The following RYR2 variants were observed in gnomAD, a reference collection of about 807,000 sequenced individuals.
The protein encoded by RYR2 is cardiac muscle ryanodine receptor-calcium release channel.
Under a neutral mutation model 601.1 loss-of-function variants are expected in RYR2, and 227 were observed. The observed-to-expected ratio is 0.38, with a 90% CI of 0.34 to 0.42. The LOEUF (loss-of-function observed/expected upper bound fraction) is 0.42. RYR2 is among the 10% of genes least tolerant of loss of function. RYR2 has a pLI of 1.00. For missense variants in RYR2, 4,646 were observed against 6,156.5 expected (o/e 0.75, Z 8.21); for synonymous variants, 2,223 against 2,175.1 (o/e 1.02, Z -0.61).
rs746557399 is a variant in RYR2, at chr1:237,252,645, G to A, written c.49-17852G>A. Among the ~76,000 whole-genome samples the A allele has an allele frequency of 5.9e-5, 9 of 152,234 alleles. No homozygotes were observed. In the Middle Eastern group the frequency reaches 0.01, roughly 173 times the overall value. On this transcript the variant is annotated intron_variant, in intron 1 of 104. Transcript: ENST00000366574. ...AGAAATGAGGAAGTAACAAGTATTC[G>A]TAGTCTTTTATATTCTGGTAATTGT... is the stretch of plus-strand genomic sequence containing the variant.
intron 38 of RYR2, among the ~76,000 whole-genome samples, chr1:237,620,170 G>A (rs971162820): frequency 2.6e-5 from 4 of 152,202 alleles, no homozygotes; most frequent in Admixed American, 6.5e-5. Flanking sequence ...ATTATAAACA[G>A]AGGAGAATAA....
At chr1:237,188,934 C>T (rs549041437) in intron 1 of RYR2, among the ~76,000 whole-genome samples, 1 of 152,246 alleles carries the variant, frequency 6.6e-6, no homozygotes, top group African/African-American at 2.4e-5. Flanking sequence ...CATCCTCAGG[C>T]ATATAATTTA....
At chr1:237,762,199 C>T (rs1346487661) in intron 84 of RYR2, among the ~76,000 whole-genome samples, 1 of 152,136 alleles carries the variant, frequency 6.6e-6, no homozygotes, top group African/African-American at 2.4e-5. Flanking sequence ...TGACACCATT[C>T]TATAACTTCT....
chr1:237,293,367 C>T (rs372604090), intron 2 of RYR2, among the ~76,000 whole-genome samples: 7 of 152,062 alleles, frequency 4.6e-5, no homozygotes, highest in Non-Finnish European at 5.9e-5. Context: ...CCACCACACC[C>T]GGCTAATTTT....
intron 66 of RYR2, 70 bp from the exon 67 acceptor site, chr1:237,705,143 C>G (rs1688265712): frequency 1.5e-6 from 2 of 1,361,570 alleles, no homozygotes; most frequent in Non-Finnish European, 2.1e-6. Flanking sequence ...GTTAAATTTG[C>G]TAATTGTAAT....
At chr1:237,298,633 T>C (rs1398205122) in intron 2 of RYR2, among the ~76,000 whole-genome samples, 1 of 152,168 alleles carries the variant, frequency 6.6e-6, no homozygotes, top group Non-Finnish European at 1.5e-5. Flanking sequence ...TGTAGCAACA[T>C]AACAGAGTTA....
Position 237,795,329 on chromosome 1 carries a change from A to G in RYR2, c.13954A>G (p.Lys4652Glu). ...CTACTGGGACAAATTTGTTAAAAGA[A>G]AGGTAATATTACTTGGAATCCTCTA... ...NNYWDKFVKR[K>E]VMDKYGEFYG... Residue 4652 changes from lysine (K) to glutamate (E), a missense_variant and splice_region_variant, in exon 96 of 105, where the codon AAG (lysine) becomes GAG (glutamate). By Grantham distance (56) the Lys-to-Glu change is moderately conservative. Coordinates refer to ENST00000366574, the MANE Select transcript of RYR2 (RefSeq NM_001035.3). 7.1e-7 allele frequency: 1 copy of G among 1,415,124 alleles called. No individual in the cohort carries two copies. The highest frequency in any genetic ancestry group is 9.7e-7 in the Non-Finnish European group (1 of 1,027,322). The allele number at this position is 1,415,124 out of a possible 1,614,324, so 87.7% of individuals were successfully genotyped here. A position where few individuals can be genotyped will look rare whatever the true frequency, so the allele number is the denominator to read the frequency against.
chr1:237,795,958 ATATG>A (rs915536759), intron 96 of RYR2, among the ~76,000 whole-genome samples: 32 of 85,896 alleles, frequency 3.7e-4, no homozygotes, highest in Admixed American at 7.5e-4. Flanking sequence ...ATATGTGTAC[ATATG>A]TATGTATATG....
At chr1:237,494,451 G>C (rs1663805096) in intron 19 of RYR2, among the ~76,000 whole-genome samples, 1 of 152,154 alleles carries the variant, frequency 6.6e-6, no homozygotes. Flanking sequence ...TATTCTAGCT[G>C]TGCTGGCAGC....
chr1:237,081,280 T>TTA (rs1553284184), intron 1 of RYR2, among the ~76,000 whole-genome samples: 4,306 of 56,310 alleles, frequency 0.076, 276 homozygotes, highest in African/African-American at 0.17. Flanking sequence ...TAGAGTATAA[T>TTA]AAAAAAAAAA....
intron 1 of RYR2, among the ~76,000 whole-genome samples, chr1:237,193,031 T>C (rs1317180269): frequency 6.6e-6 from 1 of 151,772 alleles, no homozygotes; most frequent in African/African-American, 2.4e-5. Context: ...TTAAAAAATA[T>C]CTTGAATGCG....
At chr1:237,163,179 C>A (rs3120683) in intron 1 of RYR2, among the ~76,000 whole-genome samples, 97,075 of 151,994 alleles carry the variant, frequency 0.64, 31,151 homozygotes, top group Non-Finnish European at 0.66. Context: ...GGGAATCCAC[C>A]GTGATCTCTA....
At chr1:237,374,041 A>G (rs187579234) in intron 6 of RYR2, among the ~76,000 whole-genome samples, 1 of 152,288 alleles carries the variant, frequency 6.6e-6, no homozygotes, top group East Asian at 1.9e-4. Flanking sequence ...TTTGTCTTTT[A>G]TAAGGGAAGA....
intron 14 of RYR2, among the ~76,000 whole-genome samples, chr1:237,453,185 C>A (rs1658405286): frequency 6.6e-6 from 1 of 151,980 alleles, no homozygotes; most frequent in Admixed American, 6.6e-5. Flanking sequence ...AAAAGTCACT[C>A]TTGCATTTTG....
At chr1:237,548,239 T>C (rs1311192262) in intron 25 of RYR2, among the ~76,000 whole-genome samples, 192 bp from the exon 26 acceptor site, 1 of 152,202 alleles carries the variant, frequency 6.6e-6, no homozygotes, top group East Asian at 1.9e-4. Context: ...ACACAAAGAT[T>C]ATGTGGCTTT....
At chr1:237,234,610 G>T (rs549412765) in intron 1 of RYR2, among the ~76,000 whole-genome samples, 21 of 152,130 alleles carry the variant, frequency 1.4e-4, no homozygotes, top group Non-Finnish European at 2.4e-4. Context: ...AAATTGAAAT[G>T]TTGCAAATAT....
chr1:237,088,068 AATGTAATATTGGATAT>A (rs1333288899), intron 1 of RYR2, among the ~76,000 whole-genome samples: 2 of 152,212 alleles, frequency 1.3e-5, no homozygotes, highest in African/African-American at 2.4e-5. Flanking sequence ...TTTGGAAATT[AATGTAATATTGGATAT>A]ATGTAATATT....
chr1:237,071,615 C>T (rs547377086), intron 1 of RYR2, among the ~76,000 whole-genome samples: 2 of 152,210 alleles, frequency 1.3e-5, no homozygotes, highest in Admixed American at 1.3e-4. Flanking sequence ...ACACTATAAA[C>T]TCTTACTCTG....
At chr1:237,674,050 T>C (rs781562715) in intron 58 of RYR2, 46 bp from the exon 59 acceptor site, 4 of 1,535,996 alleles carry the variant, frequency 2.6e-6, no homozygotes, top group Admixed American at 3.7e-5. Context: ...CATCTCAGAT[T>C]CTTTTCAAAT....
Sources: allele counts gnomAD v4.1 joint callset (sites outside exome capture counted in the v4.1 genomes callset), GRCh38; gene constraint gnomAD v4.1.1; transcripts MANE v1.5; gene names NCBI Gene and HGNC (gene_info 2026-07-23, HGNC 2026-07-21).